The following RANBP2 variants were observed in gnomAD, a reference collection of about 807,000 sequenced individuals.
RANBP2 encodes E3 SUMO-protein ligase RanBP2.
In RANBP2, 57 loss-of-function variants were observed where a neutral mutation model predicts 303.6. The ratio of observed to expected loss-of-function variants is 0.19; its 90% CI spans 0.15 to 0.23. The LOEUF (loss-of-function observed/expected upper bound fraction) is 0.23. Among genes scored for constraint, RANBP2 ranks in the 10% least tolerant of loss-of-function variants. RANBP2 has a pLI of 1.00. For missense variants in RANBP2, 3,138 were observed against 3,780.8 expected (o/e 0.83, Z 4.46); for synonymous variants, 1,167 against 1,301.5 (o/e 0.90, Z 2.23).
the RANBP2 span, among the ~76,000 whole-genome samples, chr2:109,022,081 A>T: frequency 6.6e-6 from 1 of 151,926 alleles, no homozygotes; most frequent in Non-Finnish European, 1.5e-5. Context: ...CTTGCTTGTT[A>T]TATCTGGCAG....
At chr2:108,980,015 C>G in the RANBP2 span, among the ~76,000 whole-genome samples, 1 of 149,758 alleles carries the variant, frequency 6.7e-6, no homozygotes, top group South Asian at 2.1e-4. Context: ...ATGCATTCAC[C>G]TCTCAAGCTT....
chr2:108,848,662 A>G, the RANBP2 span, among the ~76,000 whole-genome samples: 1 of 152,232 alleles, frequency 6.6e-6, no homozygotes, highest in Non-Finnish European at 1.5e-5. Flanking sequence ...TTATGTGGAA[A>G]AATTTGCAAC....
At chr2:109,301,779 G>A in the RANBP2 span, among the ~76,000 whole-genome samples, 21 of 152,194 alleles carry the variant, frequency 1.4e-4, no homozygotes, top group Non-Finnish European at 2.2e-4. Context: ...TCCTTTTTGG[G>A]TGGGTTGCCC....
chr2:109,409,285 G>C, the RANBP2 span, among the ~76,000 whole-genome samples: 1 of 152,152 alleles, frequency 6.6e-6, no homozygotes, highest in South Asian at 2.1e-4. Context: ...CCTAGAGCAG[G>C]GGCAGCAAAC....
At chr2:108,789,693 T>C (rs915719348), downstream of RANBP2, among the ~76,000 whole-genome samples, 3 of 152,170 alleles carry the variant, frequency 2.0e-5, no homozygotes, top group African/African-American at 7.2e-5. Context: ...GCATTGTATT[T>C]AGGTGATTGA....
chr2:109,455,230 G>A, the RANBP2 span, among the ~76,000 whole-genome samples: 4 of 152,168 alleles, frequency 2.6e-5, no homozygotes, highest in South Asian at 2.1e-4. Context: ...CCAGGGTAGC[G>A]GCTGGCAGGA....
chr2:108,984,238 C>G, the RANBP2 span, among the ~76,000 whole-genome samples: 2 of 152,096 alleles, frequency 1.3e-5, no homozygotes, highest in Non-Finnish European at 2.9e-5. Context: ...GCCAAGCCAA[C>G]TCTCCCAGGA....
At chr2:108,865,218 T>C in the RANBP2 span, among the ~76,000 whole-genome samples, 4 of 152,168 alleles carry the variant, frequency 2.6e-5, no homozygotes, top group African/African-American at 9.7e-5. Flanking sequence ...TCAATTAAAA[T>C]TCATTCATTT....
the RANBP2 span, among the ~76,000 whole-genome samples, chr2:109,747,435 A>C: frequency 2.0e-5 from 3 of 147,734 alleles, 1 homozygote; most frequent in Non-Finnish European, 4.5e-5. Context: ...ATGTTTTTTT[A>C]AATATGCCTG....
chr2:108,855,656 G>T, the RANBP2 span, among the ~76,000 whole-genome samples: 1 of 152,256 alleles, frequency 6.6e-6, no homozygotes, highest in Non-Finnish European at 1.5e-5. Flanking sequence ...TGGTAAAAAT[G>T]GAGTGTACTA....
the RANBP2 span, among the ~76,000 whole-genome samples, chr2:109,106,934 C>T: frequency 1.5e-5 from 2 of 133,782 alleles, no homozygotes; most frequent in African/African-American, 5.6e-5. Flanking sequence ...GGGCCTTCTC[C>T]TTTTTTTTTT....
At chr2:109,657,275 G>A in the RANBP2 span, among the ~76,000 whole-genome samples, 36 of 151,974 alleles carry the variant, frequency 2.4e-4, no homozygotes, top group Admixed American at 2.1e-3. Context: ...GAGAAACCTC[G>A]TTTCTACAAA....
At position 108,775,858 on chromosome 2, in the gene RANBP2, T is replaced by C. The variant is rs1677849369; in HGVS notation, c.8419T>C (p.Ser2807Pro). The C allele has an allele frequency of 3.1e-6, 5 of 1,613,594 alleles. No homozygotes were observed. The African/African-American group carries it at 4.0e-5, about 13-fold the overall frequency. Residue 2807 changes from serine to proline, a missense_variant, in exon 24 of 29, where the codon TCT (serine) becomes CCT (proline). Physicochemically the swap from Ser to Pro is moderately conservative, Grantham distance 74. Around this residue, in one of 20 missense-constraint regions of RANBP2, gnomAD observed 497 missense variants for 465.8 expected, o/e 1.07. Transcript: ENST00000283195. ...DSITKSISSP[S>P]VSSETMDKPV... ...TATTACCAAATCCATTAGTTCACCA[T>C]CTGTTTCCTCTGAAACTATGGACAA...
the RANBP2 span, chr2:109,545,641 A>G: frequency 9.3e-6 from 14 of 1,505,078 alleles, no homozygotes; most frequent in African/African-American, 1.4e-5. Context: ...TCTTATGTCT[A>G]TAATTCCCCA....
chr2:108,722,179 C>T (rs555734906), intron 1 of RANBP2, among the ~76,000 whole-genome samples: 1 of 151,998 alleles, frequency 6.6e-6, no homozygotes, highest in African/African-American at 2.4e-5. Flanking sequence ...AACTACATAA[C>T]TTCTCCATTA....
the RANBP2 span, among the ~76,000 whole-genome samples, chr2:109,343,744 CTTTT>C: frequency 7.0e-6 from 1 of 143,784 alleles, no homozygotes; most frequent in African/African-American, 2.6e-5. Context: ...CCCTGGTTTC[CTTTT>C]TTTTTTTTTT....
At chr2:108,854,037 A>AATATATAATAAATTTATATTATATATT in the RANBP2 span, among the ~76,000 whole-genome samples, 2 of 69,318 alleles carry the variant, frequency 2.9e-5, no homozygotes, top group African/African-American at 5.9e-5. Context: ...TATTATATAT[A>AATATATAATAAATTTATATTATATATT]ATATATAATA....
chr2:109,606,062 T>C, the RANBP2 span, among the ~76,000 whole-genome samples: 1 of 152,194 alleles, frequency 6.6e-6, no homozygotes, highest in Non-Finnish European at 1.5e-5. Context: ...TGTGTGAAAG[T>C]TGCATCTCAT....
At chr2:109,419,945 G>C in the RANBP2 span, among the ~76,000 whole-genome samples, 1 of 152,216 alleles carries the variant, frequency 6.6e-6, no homozygotes, top group Non-Finnish European at 1.5e-5. Flanking sequence ...GCTCTCCATA[G>C]CATGGAAGGT....
Sources: gnomAD v4.1 joint callset for allele counts (sites outside exome capture counted in the v4.1 genomes callset) on GRCh38, gnomAD v4.1.1 for gene constraint, gnomAD v4.1.1 regional missense constraint, MANE v1.5 for transcripts, NCBI Gene and HGNC (gene_info 2026-07-23, HGNC 2026-07-21) for gene names.